Variants in DDX60L observed in about 807,000 individuals in gnomAD.
DDX60L encodes the protein DExD/H-box 60 like.
In DDX60L, 191 loss-of-function variants were observed where a neutral mutation model predicts 211.6. That is an observed-to-expected ratio of 0.90 (90% confidence interval 0.80 to 1.02). The LOEUF is 1.02. Among genes scored for constraint, DDX60L ranks in the 50% least tolerant of loss-of-function variants. The pLI is 0.00. For synonymous variants in DDX60L, 706 were observed against 694.1 expected, an observed-to-expected ratio of 1.02 and a Z score of -0.27; for missense variants, 2,007 against 1,984.1, an observed-to-expected ratio of 1.01 and a Z score of -0.22.
At chr4:168,463,272 A>G (rs756059078) in intron 4 of DDX60L, among the ~76,000 whole-genome samples, 1 of 152,270 alleles carries the variant, frequency 6.6e-6, no homozygotes, top group Non-Finnish European at 1.5e-5. Flanking sequence ...AATGTGGTAC[A>G]TATACATCAT....
intron 8 of DDX60L, among the ~76,000 whole-genome samples, chr4:168,450,564 A>G (rs1316484284): frequency 1.3e-5 from 2 of 152,018 alleles, no homozygotes; most frequent in East Asian, 3.9e-4. Flanking sequence ...TCCACTCACT[A>G]TTGTTGAATA....
intron 4 of DDX60L, chr4:168,469,308 G>GA (rs944125990): frequency 7.9e-5 from 12 of 152,106 alleles, no homozygotes; most frequent in Non-Finnish European, 1.2e-4. Flanking sequence ...ACTGGTGGAA[G>GA]AAAAATGTTC....
intron 36 of DDX60L, among the ~76,000 whole-genome samples, chr4:168,363,180 A>C (rs1249506098): frequency 2.0e-5 from 3 of 152,182 alleles, no homozygotes; most frequent in African/African-American, 7.2e-5. Context: ...GAAAAAGAAA[A>C]GTCAGTCAAG....
At chr4:168,448,378 C>T (rs536883807) in intron 9 of DDX60L, among the ~76,000 whole-genome samples, 14 of 151,878 alleles carry the variant, frequency 9.2e-5, no homozygotes, top group East Asian at 7.7e-4. Context: ...TTACAGCAAG[C>T]GTTATAAAAT....
At chr4:168,473,863 A>T (rs1273638125) in intron 1 of DDX60L, among the ~76,000 whole-genome samples, 2 of 152,204 alleles carry the variant, frequency 1.3e-5, no homozygotes, top group Non-Finnish European at 2.9e-5. Flanking sequence ...ACCATAAAGA[A>T]TAGCAGCAAA....
intron 13 of DDX60L, among the ~76,000 whole-genome samples, chr4:168,429,924 G>A (rs76865134): frequency 0.076 from 11,520 of 152,266 alleles, 509 homozygotes; most frequent in African/African-American, 0.13. Context: ...AAGGCTGGGT[G>A]TGGTGGCTCA....
chr4:168,419,325 T>C lies in DDX60L; in HGVS notation c.2587A>G (p.Ile863Val). 1 of 1,598,682 alleles carries C rather than the reference T, an allele frequency of 6.3e-7. No individual in the cohort carries two copies. Among genetic ancestry groups the C allele is most frequent in the South Asian group, 1.1e-5 (1 of 88,396 alleles). Reference sequence around the variant, plus strand: ...ACCTCATCAAATATAACATATCTGATCCTTTCCACCCATTTTTGGCGATGA... The same window carrying C: ...ACCTCATCAAATATAACATATCTGACCCTTTCCACCCATTTTTGGCGATGA... ...APHRQKWVER[I>V]RYVIFDEVHY... Residue 863 changes from isoleucine to valine, a missense_variant, in exon 19 of 38, where the codon ATC becomes GTC. Transcript: ENST00000682922.
intron 14 of DDX60L, among the ~76,000 whole-genome samples, chr4:168,426,324 A>G (rs993053450): frequency 6.6e-6 from 1 of 152,232 alleles, no homozygotes. Context: ...ATCATGGCCC[A>G]GTTAACAATA....
intron 13 of DDX60L, among the ~76,000 whole-genome samples, chr4:168,428,169 G>C (rs922660325): frequency 6.6e-6 from 1 of 152,192 alleles, no homozygotes; most frequent in Non-Finnish European, 1.5e-5. Flanking sequence ...ACCTTTGCCT[G>C]AGCCAGCCCC....
chr4:168,417,914 G>A (rs915627645), intron 19 of DDX60L, among the ~76,000 whole-genome samples: 9 of 152,142 alleles, frequency 5.9e-5, no homozygotes, highest in African/African-American at 2.2e-4. Flanking sequence ...TTCTGACTTT[G>A]ATCTAGTCAG....
chr4:168,457,060 T>C (rs111907914), intron 6 of DDX60L, among the ~76,000 whole-genome samples: 43 of 151,272 alleles, frequency 2.8e-4, no homozygotes, highest in East Asian at 2.7e-3. Flanking sequence ...AAAATAAAAA[T>C]TAAAAATTAG....
chr4:168,370,898 C>A (rs113996425), intron 36 of DDX60L, among the ~76,000 whole-genome samples: 7 of 151,976 alleles, frequency 4.6e-5, no homozygotes, highest in Admixed American at 3.3e-4. Flanking sequence ...CATGTGAATT[C>A]TAAGTATTCA....
Position 168,361,076 on chromosome 4 carries a change from A to G in DDX60L, c.4991+73T>C, listed in dbSNP as rs1210517168. ...TCCTTCATGAGAATCACAAACTTAC[A>G]CAAAGGAAGAGCTATATGTTTGCTA... On this transcript the variant is annotated intron_variant, in intron 37 of 37. Transcript: ENST00000682922. 2.7e-6 allele frequency: 3 copies of G among 1,113,116 alleles called. No individual in the cohort carries two copies. In the African/African-American group the frequency reaches 4.6e-5, roughly 17 times the overall value. The allele number at this position is 1,113,116 out of a possible 1,614,324, so 69.0% of individuals were successfully genotyped here. A position where few individuals can be genotyped will look rare whatever the true frequency, so the allele number is the denominator to read the frequency against.
In DDX60L at chr4:168,402,834, G is replaced by A. The variant is rs6853648; in HGVS notation, c.3338+1148C>T. Among the ~76,000 whole-genome samples, 1,022 of 152,266 alleles carry A rather than the reference G, an allele frequency of 6.7e-3. 12 individuals are homozygous for A. The highest frequency in any genetic ancestry group is 0.023 in the African/African-American group (960 of 41,538). Reference sequence around the variant, plus strand: ...CCAGTGGACTCAACCTAGGATTTCTGTAGCATATTTTCAAGACAACTGGAA... The same window carrying A: ...CCAGTGGACTCAACCTAGGATTTCTATAGCATATTTTCAAGACAACTGGAA... On this transcript the variant is annotated intron_variant, in intron 25 of 37. Transcript: ENST00000682922.
At chr4:168,419,522 T>C in intron 18 of DDX60L, 125 bp from the exon 19 acceptor site, 2 of 549,792 alleles carry the variant, frequency 3.6e-6, no homozygotes, top group East Asian at 3.5e-5. Context: ...TATTGCATCT[T>C]TGACGTTTTT....
intron 19 of DDX60L, among the ~76,000 whole-genome samples, chr4:168,418,073 G>GA (rs1749874303): frequency 6.6e-6 from 1 of 152,080 alleles, no homozygotes; most frequent in Non-Finnish European, 1.5e-5. Flanking sequence ...CCCACATTTT[G>GA]TTTTTTGTTT....
intron 30 of DDX60L, 113 bp downstream of exon 30, chr4:168,384,499 A>T: frequency 7.3e-7 from 1 of 1,367,462 alleles, no homozygotes; most frequent in Admixed American, 2.1e-5. Context: ...AAACAATCAA[A>T]CAAAAAGAAA....
intron 30 of DDX60L, among the ~76,000 whole-genome samples, chr4:168,382,025 A>C (rs541449788): frequency 1.3e-5 from 2 of 152,164 alleles, no homozygotes; most frequent in Non-Finnish European, 2.9e-5. Context: ...CACACACCTG[A>C]CTCATTACAG....
At chr4:168,467,579 G>A (rs1358199820) in intron 4 of DDX60L, among the ~76,000 whole-genome samples, 1 of 152,034 alleles carries the variant, frequency 6.6e-6, no homozygotes, top group African/African-American at 2.4e-5. Flanking sequence ...GATAAGGCGG[G>A]CAAATCCCTT....
Sources: gnomAD v4.1 joint callset for allele counts (sites outside exome capture counted in the v4.1 genomes callset) on GRCh38, gnomAD v4.1.1 for gene constraint, MANE v1.5 for transcripts, NCBI Gene and HGNC (gene_info 2026-07-23, HGNC 2026-07-21) for gene names.